The following ADCY7 variants were observed in gnomAD, a reference collection of about 807,000 sequenced individuals.
The protein encoded by ADCY7 is adenylate cyclase type 7.
ADCY7 carries 72 observed loss-of-function variants against 120.6 expected under a neutral mutation model. The ratio of observed to expected loss-of-function variants is 0.60; its 90% confidence interval spans 0.49 to 0.73. The LOEUF is 0.73. Ranked by LOEUF, ADCY7 falls within the 30% of genes least tolerant of loss-of-function variation. The pLI is 0.00. For missense variants in ADCY7, 1,227 were observed against 1,486.0 expected, an observed-to-expected ratio of 0.83 and a Z score of 2.87; for synonymous variants, 661 against 628.0, an observed-to-expected ratio of 1.05 and a Z score of -0.78.
At chr16:50,275,329 G>A (rs891566422) in intron 1 of ADCY7, among the ~76,000 whole-genome samples, 2 of 152,188 alleles carry the variant, frequency 1.3e-5, no homozygotes, top group Non-Finnish European at 2.9e-5. Context: ...GGTAAGTGGG[G>A]CCCCCAGCAT....
At chr16:50,304,791 T>A in intron 11 of ADCY7, 134 bp from the exon 12 acceptor site, 1 of 1,249,100 alleles carries the variant, frequency 8.0e-7, no homozygotes, top group Non-Finnish European at 1.2e-6. Flanking sequence ...ATAGTCAGGA[T>A]GTCTGTGGCT....
Position 50,308,695 on chromosome 16 carries a change from G to A in ADCY7, c.1964G>A (p.Cys655Tyr), listed in dbSNP as rs1302507055. 6.2e-7 allele frequency: 1 copy of A among 1,613,582 alleles called. No homozygotes were observed. The highest frequency in any genetic ancestry group is 1.7e-5 in the Admixed American group (1 of 60,012). Residue 655 changes from cysteine (C) to tyrosine (Y), a missense_variant, in exon 17 of 26, where the codon TGC becomes TAC. Physicochemically the swap from Cys to Tyr is radical, Grantham distance 194. Around this residue, in one of 5 missense-constraint regions of ADCY7, gnomAD observed 267 missense variants for 270.0 expected, o/e 0.99. Transcript: ENST00000673801. ...SRCCPARGTL[C>Y]TISERVETQP... ...TGCTGCCCAGCTCGGGGGACGCTCTGCACTATCTCTGAGAGGGTGGAGACA... is the reference window on the plus strand; with the variant it reads ...TGCTGCCCAGCTCGGGGGACGCTCTACACTATCTCTGAGAGGGTGGAGACA...
chr16:50,253,234 C>G (rs1318435547), intron 1 of ADCY7, among the ~76,000 whole-genome samples: 5 of 152,116 alleles, frequency 3.3e-5, no homozygotes, highest in African/African-American at 9.7e-5. Flanking sequence ...TAAATTAAAA[C>G]GAGTCCATTT....
At position 50,301,169 on chromosome 16, in the gene ADCY7, C is replaced by T; in HGVS notation, c.1323C>T (p.Tyr441=). 1 of 1,612,120 alleles carries T rather than the reference C, an allele frequency of 6.2e-7. No homozygotes were observed. The highest frequency in any genetic ancestry group is 8.5e-7 in the Non-Finnish European group (1 of 1,179,092). ...EDGHGQQRDP[Y]LKEMNIRTYL... ...GGCACGGGCAGCAGCGGGACCCCTA[C>T]CTCAAGGAGATGAACATCCGCACCT... The change falls in exon 10 of 26, where the codon TAC becomes TAT. Residue 441 remains tyrosine (Y), a synonymous_variant. Transcript: ENST00000673801.
At chr16:50,295,315 A>G (rs2035273779) in intron 7 of ADCY7, among the ~76,000 whole-genome samples, 1 of 145,174 alleles carries the variant, frequency 6.9e-6, no homozygotes, top group Non-Finnish European at 1.5e-5. Context: ...AGTAGCTGGG[A>G]CTACAGGCAT....
At position 50,281,040 on chromosome 16, in the gene ADCY7, C is replaced by A. The variant is rs905449206; in HGVS notation, c.-268-6872C>A. Among the ~76,000 whole-genome samples the A allele has an allele frequency of 1.6e-4, 24 of 152,248 alleles. No individual in the cohort carries two copies. In the South Asian group the frequency reaches 1.7e-3, roughly 11 times the overall value. ...TGGGGAATTTCAGTCTTTGCCCCTG[C>A]TCGGCAACTTTGCAGGCTGTTAGGA... is the stretch of plus-strand genomic sequence containing the variant. On this transcript the variant is annotated intron_variant, in intron 1 of 25. Coordinates refer to ENST00000673801, the MANE Select transcript of ADCY7 (RefSeq NM_001114.5).
At chr16:50,314,452 C>T (rs757954805) in intron 24 of ADCY7, 46 bp downstream of exon 24, 3 of 1,408,564 alleles carry the variant, frequency 2.1e-6, no homozygotes, top group Non-Finnish European at 1.0e-6. Flanking sequence ...TGCCTCTAGG[C>T]CAGTCCACCC....
At chr16:50,312,273 G>C in intron 21 of ADCY7, 82 bp downstream of exon 21, 2 of 1,517,250 alleles carry the variant, frequency 1.3e-6, no homozygotes, top group South Asian at 2.3e-5. Flanking sequence ...TGGAGCTGGA[G>C]TGCATGCTGA....
At chr16:50,310,529 A>G (rs774181698) in intron 18 of ADCY7, 158 bp from the exon 19 acceptor site, 97 of 1,542,562 alleles carry the variant, frequency 6.3e-5, no homozygotes, top group Non-Finnish European at 7.3e-5. Context: ...ACAACACTGG[A>G]CACTCTTAGG....
Position 50,297,319 on chromosome 16 carries a change from G to A in ADCY7, c.949-1585G>A, listed in dbSNP as rs542052872. Among the ~76,000 whole-genome samples the A allele has an allele frequency of 1.3e-5, 2 of 152,250 alleles. No homozygotes were observed. Among genetic ancestry groups the A allele is most frequent in the South Asian group, 4.1e-4 (2 of 4,836 alleles). On this transcript the variant is annotated intron_variant, in intron 7 of 25. Coordinates refer to ENST00000673801, the MANE Select transcript of ADCY7 (RefSeq NM_001114.5). This position sits in a 1 kb window ranked among gnomAD's most constrained non-coding sequence, Gnocchi z 4.4. ...ACAAGACCCAGCTCCCCAACTCCAA[G>A]TGTCAGAGACACAGGGGACTGTCAG...
chr16:50,312,792 T>G, intron 21 of ADCY7, 98 bp from the exon 22 acceptor site: 1 of 1,095,784 alleles, frequency 9.1e-7, no homozygotes, highest in Non-Finnish European at 1.3e-6. Flanking sequence ...AAAGCTGGGC[T>G]GGGCAGTTCA....
At chr16:50,275,506 A>G (rs2033830857) in intron 1 of ADCY7, among the ~76,000 whole-genome samples, 1 of 152,252 alleles carries the variant, frequency 6.6e-6, no homozygotes, top group Non-Finnish European at 1.5e-5. Context: ...AAAGAGTCTC[A>G]TTAACAAAAG....
intron 1 of ADCY7, among the ~76,000 whole-genome samples, chr16:50,269,444 C>G (rs1855521129): frequency 6.6e-6 from 1 of 152,264 alleles, no homozygotes; most frequent in South Asian, 2.1e-4. Flanking sequence ...AGGGCCTCCC[C>G]TACCCTGCCC....
At chr16:50,277,962 GC>G (rs1248677685) in intron 1 of ADCY7, among the ~76,000 whole-genome samples, 5 of 151,844 alleles carry the variant, frequency 3.3e-5, no homozygotes, top group African/African-American at 1.2e-4. Flanking sequence ...GAGCCACTGC[GC>G]CCGGCCTACC....
At chr16:50,293,631 C>A in intron 6 of ADCY7, 129 bp downstream of exon 6, 1 of 1,218,440 alleles carries the variant, frequency 8.2e-7, no homozygotes, top group Non-Finnish European at 1.1e-6. Flanking sequence ...GAGAGGGCCC[C>A]ATGGTTCCAG....
chr16:50,299,431 G>A (rs1482124846), intron 8 of ADCY7, among the ~76,000 whole-genome samples: 1 of 152,234 alleles, frequency 6.6e-6, no homozygotes, highest in Admixed American at 6.5e-5. Context: ...AGATCCTGGA[G>A]TCAGGCTTGG....
At chr16:50,251,586 A>G (rs2032757618) in intron 1 of ADCY7, among the ~76,000 whole-genome samples, 1 of 152,382 alleles carries the variant, frequency 6.6e-6, no homozygotes. Context: ...TTTGAAAACC[A>G]CAAGATTTTT....
rs577357633 is a variant in ADCY7 at position 50,294,813 on chromosome 16, G to A, written c.948+62G>A. 16 of 1,213,212 alleles carry A rather than the reference G, an allele frequency of 1.3e-5. No homozygotes were observed. In the South Asian group the frequency reaches 1.8e-4, roughly 14 times the overall value. The allele number at this position is 1,213,212 out of a possible 1,614,324, so 75.2% of individuals were successfully genotyped here. A position where few individuals can be genotyped will look rare whatever the true frequency, so the allele number is the denominator to read the frequency against. ...CCTCCCCTGCCTATTACACCCCAGG[G>A]GTGTCCTGTGTTCAGTGCCCTGCTG... is the stretch of plus-strand genomic sequence containing the variant. On this transcript the variant is annotated intron_variant, in intron 7 of 25. Transcript: ENST00000673801.
chr16:50,257,125 A>G (rs2032938044), intron 1 of ADCY7, among the ~76,000 whole-genome samples: 1 of 152,168 alleles, frequency 6.6e-6, no homozygotes, highest in Non-Finnish European at 1.5e-5. Flanking sequence ...CATGCCTGTC[A>G]TCTCAGCTCT....
Sources: allele counts gnomAD v4.1 joint callset (sites outside exome capture counted in the v4.1 genomes callset), GRCh38; gene constraint gnomAD v4.1.1; regional missense constraint gnomAD v4.1.1; non-coding constraint Gnocchi (gnomAD v3.1); transcripts MANE v1.5; gene names NCBI Gene and HGNC (gene_info 2026-07-23, HGNC 2026-07-21).